PKHD1: variants seen among roughly 807,000 people sequenced by gnomAD.
PKHD1 encodes PKHD1 ciliary IPT domain containing fibrocystin/polyductin, also known as fibrocystin.
A neutral mutation model predicts 412.0 loss-of-function variants in PKHD1; 291 were observed. The observed-to-expected ratio is 0.71, with a 90% CI of 0.64 to 0.78. The LOEUF is 0.78. Among genes scored for constraint, PKHD1 ranks in the 30% least tolerant of loss-of-function variants. PKHD1 has a pLI of 0.00. For synonymous variants in PKHD1, 1,777 were observed against 1,821.5 expected (o/e 0.98, Z 0.62); for missense variants, 4,825 against 4,950.7 (o/e 0.97, Z 0.76).
chr6:52,042,926 T>C lies in PKHD1; in HGVS notation c.3030A>G (p.Gly1010=). ...GTTTCACATTTAGGAAGAGGTCTTC[T>C]CCAGTGGCACTGATGGCAAGACCAG... ...RPSGLAISAT[G]EDLFLNVKPR... Residue 1010 remains glycine, a synonymous_variant, in exon 27 of 67, where the codon GGA becomes GGG. Coordinates refer to ENST00000371117, the MANE Select transcript of PKHD1 (RefSeq NM_138694.4). 1 of 1,613,868 alleles carries C rather than the reference T, an allele frequency of 6.2e-7. No homozygotes were observed. Among genetic ancestry groups the C allele is most frequent in the Non-Finnish European group, 8.5e-7 (1 of 1,179,812 alleles).
chr6:51,896,447 G>A (rs958183862), intron 43 of PKHD1, among the ~76,000 whole-genome samples: 22 of 152,164 alleles, frequency 1.4e-4, no homozygotes, highest in South Asian at 2.1e-4. Context: ...ACCTGCAGCT[G>A]AGGGTCCTGT....
Position 51,943,234 on chromosome 6 carries a change from A to C in PKHD1, c.5909-8912T>G, listed in dbSNP as rs538381682. 6.0e-4 allele frequency among the ~76,000 whole-genome samples: 91 copies of C among 151,588 alleles called. 4 individuals carry two copies. The highest frequency in any genetic ancestry group is 1.1e-3 in the Non-Finnish European group (75 of 67,728). On this transcript the variant is annotated intron_variant, in intron 36 of 66. Transcript: ENST00000371117. ...AAGCTCAGCCACCAACTTAAAAAGGACTGGACAATACTTTTACCACTTGCC... is the reference window on the plus strand; with the variant it reads ...AAGCTCAGCCACCAACTTAAAAAGGCCTGGACAATACTTTTACCACTTGCC...
At chr6:52,016,164 C>T (rs979139373) in intron 34 of PKHD1, among the ~76,000 whole-genome samples, 6 of 152,218 alleles carry the variant, frequency 3.9e-5, no homozygotes, top group Admixed American at 1.3e-4. Context: ...TTCTTCTTGC[C>T]CTTTTAGAAA....
In PKHD1 at chr6:51,700,774, A is replaced by T. The variant is rs189116078; in HGVS notation, c.10157-40805T>A. 9.5e-4 allele frequency among the ~76,000 whole-genome samples: 145 copies of T among 152,252 alleles called. 3 individuals are homozygous for T. Among genetic ancestry groups the T allele is most frequent in the Admixed American group, 9.2e-3 (140 of 15,274 alleles). ...AAGCCTCTGAAATTTGCAGAGAATT[A>T]AAAAACCCCATGCTTATATAAAAGG... On this transcript the variant is annotated intron_variant, in intron 60 of 66. Coordinates refer to ENST00000371117, the MANE Select transcript of PKHD1 (RefSeq NM_138694.4).
intron 63 of PKHD1, among the ~76,000 whole-genome samples, chr6:51,640,324 T>A (rs1333025534): frequency 2.0e-5 from 3 of 152,200 alleles, no homozygotes; most frequent in Admixed American, 2.0e-4. Context: ...AGTGCTTTAG[T>A]TCTAAATGGG....
chr6:51,628,795 G>A (rs1445638437), intron 65 of PKHD1, among the ~76,000 whole-genome samples: 5 of 151,966 alleles, frequency 3.3e-5, no homozygotes, highest in Admixed American at 6.6e-5. Context: ...GTATCTTATT[G>A]TATACTAGAC....
At chr6:51,982,188 G>T (rs1168021820) in intron 35 of PKHD1, among the ~76,000 whole-genome samples, 1 of 45,016 alleles carries the variant, frequency 2.2e-5, no homozygotes, top group African/African-American at 7.4e-5. Context: ...AGGGAGGTGG[G>T]GGGGTCAGCC....
At chr6:52,054,743 T>G (rs540309878) in intron 19 of PKHD1, among the ~76,000 whole-genome samples, 3 of 152,222 alleles carry the variant, frequency 2.0e-5, no homozygotes, top group African/African-American at 7.2e-5. Context: ...ACCCACCAGA[T>G]GCCAATAGCA....
At position 51,616,999 on chromosome 6, in the gene PKHD1, T is replaced by C. The variant is rs79635571; in HGVS notation, c.*2082A>G. On this transcript the variant is annotated 3_prime_UTR_variant, in exon 67 of 67. Transcript: ENST00000371117. Reference sequence around the variant, plus strand: ...AGGTTTTTGGGCTGTGTTAACTTCATAGTAACTATAGGATAACCTACTGGA... The same window carrying C: ...AGGTTTTTGGGCTGTGTTAACTTCACAGTAACTATAGGATAACCTACTGGA... The C allele has an allele frequency of 6.9e-3, 1,896 of 274,524 alleles. 44 individuals carry two copies. Among genetic ancestry groups the C allele is most frequent in the African/African-American group, 0.038 (1,764 of 45,822 alleles). The allele number at this position is 274,524 out of a possible 1,614,324, so 17.0% of individuals were successfully genotyped here.
intron 33 of PKHD1, among the ~76,000 whole-genome samples, chr6:52,019,331 G>A (rs2195591): frequency 0.46 from 69,473 of 152,044 alleles, 17,505 homozygotes; most frequent in Admixed American, 0.58. Flanking sequence ...TTGTAGTTAT[G>A]CAATCATGCC....
In PKHD1 at chr6:52,065,061, T is replaced by C. The variant is rs747981463; in HGVS notation, c.881-11A>G. 1 of 1,468,634 alleles carries C rather than the reference T, an allele frequency of 6.8e-7. No homozygotes were observed. Among genetic ancestry groups the C allele is most frequent in the Non-Finnish European group, 9.3e-7 (1 of 1,070,178 alleles). The allele number at this position is 1,468,634 out of a possible 1,614,324, so 91.0% of individuals were successfully genotyped here. ...TATCACATGGAATGCCTAAAGCGAA[T>C]TAAAGAAATTTATGTATGTGTGTGT... is the stretch of plus-strand genomic sequence containing the variant. On this transcript the variant is annotated splice_polypyrimidine_tract_variant and intron_variant, in intron 12 of 66. Transcript: ENST00000371117.
rs1192159285 is a variant in PKHD1 at position 51,617,151 on chromosome 6, G to A, written c.*1930C>T. ...AGCATGTGCAGGTAAACTGAGGCAG[G>A]GCAAGGACTAAGACTGCTACCATTT... On this transcript the variant is annotated 3_prime_UTR_variant, in exon 67 of 67. Coordinates refer to ENST00000371117, the MANE Select transcript of PKHD1 (RefSeq NM_138694.4). 1 of 153,490 alleles carries A rather than the reference G, an allele frequency of 6.5e-6. No individual in the cohort carries two copies. Among genetic ancestry groups the A allele is most frequent in the Non-Finnish European group, 1.4e-5 (1 of 69,010 alleles). The allele number at this position is 153,490 out of a possible 1,614,324, so 9.5% of individuals were successfully genotyped here.
rs182750540 is a variant in PKHD1 at position 51,883,194 on chromosome 6, A to G, written c.7249T>C (p.Phe2417Leu). Reference sequence around the variant, plus strand: ...AAATCTCTGCATGAATAAACTTTGAAGTTTTTCAGGCGAAGATTGCTACTT... The same window carrying G: ...AAATCTCTGCATGAATAAACTTTGAGGTTTTTCAGGCGAAGATTGCTACTT... ...FRSSNLRLKN[F>L]KVYSCRDFGI... The change falls in exon 46 of 67, where the codon TTC becomes CTC. Residue 2417 changes from phenylalanine to leucine, a missense_variant. By Grantham distance (22) the Phe-to-Leu change is conservative. Coordinates refer to ENST00000371117, the MANE Select transcript of PKHD1 (RefSeq NM_138694.4). 6.2e-7 allele frequency: 1 copy of G among 1,612,418 alleles called. No individual in the cohort carries two copies. Among genetic ancestry groups the G allele is most frequent in the African/African-American group, 1.3e-5 (1 of 75,004 alleles).
intron 63 of PKHD1, among the ~76,000 whole-genome samples, chr6:51,644,396 C>T (rs1403490143): frequency 2.0e-5 from 3 of 152,196 alleles, no homozygotes; most frequent in Admixed American, 1.3e-4. Flanking sequence ...CAATAATAAA[C>T]GCAATTAGAA....
At chr6:51,648,428 G>T (rs1284978134) in intron 62 of PKHD1, among the ~76,000 whole-genome samples, 1 of 152,066 alleles carries the variant, frequency 6.6e-6, no homozygotes, top group Non-Finnish European at 1.5e-5. Flanking sequence ...AAGGTAAAGA[G>T]AAGAAAACAG....
chr6:51,932,207 A>G (rs531129488), intron 37 of PKHD1, among the ~76,000 whole-genome samples: 1 of 152,234 alleles, frequency 6.6e-6, no homozygotes, highest in Non-Finnish European at 1.5e-5. Flanking sequence ...ACATTTGCTT[A>G]ACCACAAAGG....
intron 53 of PKHD1, among the ~76,000 whole-genome samples, chr6:51,780,355 T>G (rs1791779548): frequency 6.7e-6 from 1 of 150,078 alleles, no homozygotes; most frequent in South Asian, 2.1e-4. Context: ...CACACTGCAC[T>G]CCAGCCTGGT....
At chr6:52,052,772 C>G (rs1807070615) in intron 21 of PKHD1, among the ~76,000 whole-genome samples, 1 of 152,090 alleles carries the variant, frequency 6.6e-6, no homozygotes, top group Non-Finnish European at 1.5e-5. Context: ...GAAGTAGGGT[C>G]CTTATTATAC....
intron 60 of PKHD1, among the ~76,000 whole-genome samples, chr6:51,704,533 TCA>T (rs1779794113): frequency 6.6e-6 from 1 of 152,030 alleles, no homozygotes; most frequent in African/African-American, 2.4e-5. Flanking sequence ...AGGTAAAAGC[TCA>T]CACCAAAGCA....
Sources: gnomAD v4.1 joint callset for allele counts (sites outside exome capture counted in the v4.1 genomes callset) on GRCh38, gnomAD v4.1.1 for gene constraint, MANE v1.5 for transcripts, NCBI Gene and HGNC (gene_info 2026-07-23, HGNC 2026-07-21) for gene names.